LRRCC1: variants seen among roughly 807,000 people sequenced by gnomAD.
LRRCC1 encodes the protein leucine-rich repeat and coiled-coil domain-containing protein 1.
LRRCC1 carries 115 observed loss-of-function variants against 126.0 expected under a neutral mutation model. That is an observed-to-expected ratio of 0.91 (90% CI 0.78 to 1.07). LRRCC1 has a LOEUF of 1.07. Ranked by LOEUF, LRRCC1 falls within the 50% of genes least tolerant of loss-of-function variation. The pLI is 0.00. For missense variants in LRRCC1, 1,172 were observed against 1,175.7 expected, an observed-to-expected ratio of 1.00 and a Z score of 0.05; for synonymous variants, 400 against 393.4, an observed-to-expected ratio of 1.02 and a Z score of -0.20.
Position 85,129,250 on chromosome 8 carries a change from A to C in LRRCC1, c.1497A>C (p.Glu499Asp). Residue 499 changes from glutamate (E) to aspartate (D), a missense_variant, in exon 10 of 19, where the codon GAA becomes GAC. Coordinates refer to ENST00000360375, the MANE Select transcript of LRRCC1 (RefSeq NM_033402.5). ...TTATGGTTCACAAACTTCAAAATGA[A>C]ATTAAAAAACTGACTGTTGAACTAA... ...LEVMVHKLQN[E>D]IKKLTVELMK... The C allele has an allele frequency of 1.1e-5, 18 of 1,613,768 alleles. No individual in the cohort carries two copies. The highest frequency in any genetic ancestry group is 1.5e-5 in the Non-Finnish European group (18 of 1,179,798).
chr8:85,122,820 G>C (rs748533950), intron 6 of LRRCC1, among the ~76,000 whole-genome samples: 1 of 152,188 alleles, frequency 6.6e-6, no homozygotes. Context: ...AGATACTCTA[G>C]ATTTGGTTAT....
chr8:85,123,701 C>T, intron 7 of LRRCC1, 95 bp downstream of exon 7: 1 of 940,476 alleles, frequency 1.1e-6, no homozygotes, highest in Admixed American at 3.2e-5. Flanking sequence ...TGTTACTTTA[C>T]TAATGTTGAA....
At chr8:85,126,876 A>G (rs1349339081) in intron 9 of LRRCC1, 39 bp downstream of exon 9, 1 of 1,531,050 alleles carries the variant, frequency 6.5e-7, no homozygotes, top group South Asian at 1.2e-5. Flanking sequence ...ACCTCATAGC[A>G]TAAACAATAC....
Position 85,115,185 on chromosome 8 carries a change from A to G in LRRCC1, c.630A>G (p.Thr210=), listed in dbSNP as rs766578517. Reference sequence around the variant, plus strand: ...TATTTGGTGAACCAGTAAATTTGACAGAAATAAATTCATCACAGCTGCAGT... The same window carrying G: ...TATTTGGTGAACCAGTAAATTTGACGGAAATAAATTCATCACAGCTGCAGT... The part of the protein sequence containing the change: ...KNIFGEPVNL[T]EINSSQLQCL... Residue 210 remains threonine, a synonymous_variant, in exon 5 of 19, where the codon ACA becomes ACG. Coordinates refer to ENST00000360375, the MANE Select transcript of LRRCC1 (RefSeq NM_033402.5). 2 of 1,612,966 alleles carry G rather than the reference A, an allele frequency of 1.2e-6. No individual in the cohort carries two copies. Among genetic ancestry groups the G allele is most frequent in the East Asian group, 2.2e-5 (1 of 44,820 alleles).
At chr8:85,114,159 C>G (rs1808930625) in intron 4 of LRRCC1, among the ~76,000 whole-genome samples, 1 of 151,958 alleles carries the variant, frequency 6.6e-6, no homozygotes, top group Non-Finnish European at 1.5e-5. Context: ...TGAGGAAACC[C>G]TTTCCTTGAA....
At chr8:85,111,424 A>G (rs1001835130) in intron 3 of LRRCC1, among the ~76,000 whole-genome samples, 9 of 152,194 alleles carry the variant, frequency 5.9e-5, no homozygotes, top group African/African-American at 2.4e-5. Context: ...TGTCATTACT[A>G]TGTAATGTTT....
intron 18 of LRRCC1, among the ~76,000 whole-genome samples, chr8:85,142,831 C>CAA (rs35806219): frequency 0.028 from 3,345 of 119,228 alleles, 139 homozygotes; most frequent in African/African-American, 0.092. Context: ...GACCCTGTCT[C>CAA]AAAAAAAAAA....
chr8:85,109,825 A>G, intron 2 of LRRCC1, 25 bp downstream of exon 2: 1 of 1,256,906 alleles, frequency 8.0e-7, no homozygotes, highest in Non-Finnish European at 1.1e-6. Flanking sequence ...TTCATTTAAC[A>G]CTTAGCGTAA....
intron 6 of LRRCC1, among the ~76,000 whole-genome samples, chr8:85,122,389 C>T (rs989686512): frequency 2.6e-5 from 4 of 152,108 alleles, no homozygotes; most frequent in African/African-American, 9.7e-5. Context: ...TTGATATTGT[C>T]TCAAAATTCA....
At chr8:85,137,829 A>G (rs1197307872) in intron 15 of LRRCC1, among the ~76,000 whole-genome samples, 1 of 152,198 alleles carries the variant, frequency 6.6e-6, no homozygotes, top group Non-Finnish European at 1.5e-5. Flanking sequence ...TGAACTTTAT[A>G]CTTCAGAATT....
intron 9 of LRRCC1, among the ~76,000 whole-genome samples, chr8:85,128,821 T>C (rs1810214551): frequency 6.6e-6 from 1 of 152,208 alleles, no homozygotes; most frequent in African/African-American, 2.4e-5. Context: ...GCTTCCTTTC[T>C]CTTTCTCCTA....
At position 85,107,394 on chromosome 8, in the gene LRRCC1, G is replaced by T. The variant is rs1587352831; in HGVS notation, c.99G>T (p.Leu33Phe). 6.2e-7 allele frequency: 1 copy of T among 1,611,950 alleles called. No homozygotes were observed. The highest frequency in any genetic ancestry group is 1.3e-5 in the African/African-American group (1 of 74,900). ...ATGTATGCTTCATGGACAAAGGCTTGCAGAGGTAAAGGGCGCTCCGCAGCC... is the reference window on the plus strand; with the variant it reads ...ATGTATGCTTCATGGACAAAGGCTTTCAGAGGTAAAGGGCGCTCCGCAGCC... The part of the protein sequence containing the change: ...CGDVCFMDKG[L>F]QSISELSLDS... The change falls in exon 1 of 19, where the codon TTG (leucine) becomes TTT (phenylalanine). Residue 33 changes from leucine (L) to phenylalanine (F), a missense_variant. Transcript: ENST00000360375.
At chr8:85,135,117 A>G (rs1018723678) in intron 13 of LRRCC1, 85 bp downstream of exon 13, 1 of 987,694 alleles carries the variant, frequency 1.0e-6, no homozygotes, top group South Asian at 2.5e-5. Flanking sequence ...AAGTACACGA[A>G]AGGAACTTTT....
intron 18 of LRRCC1, among the ~76,000 whole-genome samples, chr8:85,144,428 ATG>A (rs201121031): frequency 0.58 from 51,051 of 87,360 alleles, 14,993 homozygotes; most frequent in Non-Finnish European, 0.63. Flanking sequence ...GTGTGTGTGT[ATG>A]TGTGTGTGTG....
chr8:85,145,273 T>A, intron 18 of LRRCC1, 116 bp from the exon 19 acceptor site: 1 of 748,478 alleles, frequency 1.3e-6, no homozygotes. Flanking sequence ...TTTCTTTAAA[T>A]ACATCACAAA....
intron 7 of LRRCC1, among the ~76,000 whole-genome samples, chr8:85,124,529 A>G (rs1215486345): frequency 6.6e-6 from 1 of 152,176 alleles, no homozygotes; most frequent in Non-Finnish European, 1.5e-5. Context: ...TTATTCTGAT[A>G]TATCCAAGAA....
chr8:85,121,148 C>T (rs1364061712), intron 6 of LRRCC1, among the ~76,000 whole-genome samples: 1 of 152,184 alleles, frequency 6.6e-6, no homozygotes, highest in African/African-American at 2.4e-5. Context: ...AAAGGCATAT[C>T]TCATCCTGGC....
At chr8:85,129,070 A>G in intron 9 of LRRCC1, 105 bp from the exon 10 acceptor site, 2 of 818,864 alleles carry the variant, frequency 2.4e-6, no homozygotes, top group Non-Finnish European at 4.0e-6. Context: ...AGTTGAGAGC[A>G]TGAACAAAGG....
At chr8:85,119,909 T>C (rs1405256059) in intron 6 of LRRCC1, among the ~76,000 whole-genome samples, 1 of 152,190 alleles carries the variant, frequency 6.6e-6, no homozygotes, top group Non-Finnish European at 1.5e-5. Flanking sequence ...ATTCCACAAA[T>C]TTTGGTATGT....
Sources: allele counts gnomAD v4.1 joint callset (sites outside exome capture counted in the v4.1 genomes callset), GRCh38; gene constraint gnomAD v4.1.1; transcripts MANE v1.5; gene names NCBI Gene and HGNC (gene_info 2026-07-23, HGNC 2026-07-21).